SNX29: variants seen among roughly 807,000 people sequenced by gnomAD.
SNX29 encodes sorting nexin-29.
A neutral mutation model predicts 102.1 loss-of-function variants in SNX29; 78 were observed. That is an observed-to-expected ratio of 0.76 (90% confidence interval 0.64 to 0.92). The LOEUF is 0.92. SNX29 is among the 40% of genes least tolerant of loss of function. SNX29 has a pLI of 0.00. For missense variants in SNX29, 1,280 were observed against 1,061.7 expected, an observed-to-expected ratio of 1.21 and a Z score of -2.86; for synonymous variants, 580 against 414.5, an observed-to-expected ratio of 1.40 and a Z score of -4.85.
rs193162748 is a variant in SNX29 at position 12,569,519 on chromosome 16, A to C, written c.*890A>C. 1.6e-4 allele frequency: 38 copies of C among 231,834 alleles called. No individual in the cohort carries two copies. The highest frequency in any genetic ancestry group is 1.5e-3 in the East Asian group (25 of 16,376). 14.4% of individuals were successfully genotyped at this position (231,834 alleles called of 1,614,324 possible). On this transcript the variant is annotated 3_prime_UTR_variant, in exon 21 of 21. Transcript: ENST00000566228. The stretch of plus-strand genomic sequence containing the variant: ...CAGGGTTTTCAAACCAGGCTCCATG[A>C]CTATGAAGTTGGACCCAGTGTGGAC...
At chr16:12,185,749 C>G (rs976478047) in intron 13 of SNX29, among the ~76,000 whole-genome samples, 1 of 152,178 alleles carries the variant, frequency 6.6e-6, no homozygotes, top group African/African-American at 2.4e-5. Context: ...TATTCAGATT[C>G]GGGACATCTC....
At chr16:12,508,027 G>A (rs952188162) in intron 19 of SNX29, among the ~76,000 whole-genome samples, 6 of 152,242 alleles carry the variant, frequency 3.9e-5, no homozygotes, top group African/African-American at 1.4e-4. Flanking sequence ...CAGCTCTGAC[G>A]CTAGTTAACG....
chr16:12,098,574 G>A lies in SNX29; in HGVS notation c.1402+19659G>A, dbSNP rs946294439. On this transcript the variant is annotated intron_variant, in intron 11 of 20. Transcript: ENST00000566228. The surrounding 1 kb of genome is among the most constrained non-coding windows in gnomAD (Gnocchi z 6.0). ...GTGCGCAGACGATTCAGTTTCATGC[G>A]CGCCCGATTCAGTTTCATGCTCTTC... Among the ~76,000 whole-genome samples the A allele has an allele frequency of 6.6e-6, 1 of 152,088 alleles. No individual in the cohort carries two copies. Among genetic ancestry groups the A allele is most frequent in the East Asian group, 1.9e-4 (1 of 5,192 alleles).
chr16:12,152,360 T>C (rs1396263376), intron 13 of SNX29, among the ~76,000 whole-genome samples: 1 of 152,090 alleles, frequency 6.6e-6, no homozygotes, highest in Admixed American at 6.6e-5. Context: ...AGGTAACTGG[T>C]TTACAGATTG....
At position 12,014,225 on chromosome 16, in the gene SNX29, C is replaced by T. The variant is rs149809128; in HGVS notation, c.122+11182C>T. 1.1e-4 allele frequency among the ~76,000 whole-genome samples: 16 copies of T among 152,224 alleles called. 1 individual carries two copies. The highest frequency in any genetic ancestry group is 7.7e-4 in the East Asian group (4 of 5,186). ...TGATTTCTCGTGTCTCATTTATTCA[C>T]GCCTGCATCCAGGGGCTCTTGTTTT... On this transcript the variant is annotated intron_variant, in intron 3 of 20. Coordinates refer to ENST00000566228, the MANE Select transcript of SNX29 (RefSeq NM_032167.5).
At chr16:11,988,015 T>C (rs185045207) in intron 1 of SNX29, among the ~76,000 whole-genome samples, 1 of 152,272 alleles carries the variant, frequency 6.6e-6, no homozygotes, top group African/African-American at 2.4e-5. Context: ...TCTTGGAGGC[T>C]GGGTACGGTG....
rs60889973 is a variant in SNX29 at position 12,446,047 on chromosome 16, CT to C, written c.2038-31646del. On this transcript the variant is annotated intron_variant, in intron 18 of 20. Coordinates refer to ENST00000566228, the MANE Select transcript of SNX29 (RefSeq NM_032167.5). Reference sequence around the variant, plus strand: ...GCAGTTGAAACAGTAGCTTCTCATTCTTTTTTTTTTTTTTTTTTTTTTTTTT... The same window carrying C: ...GCAGTTGAAACAGTAGCTTCTCATTCTTTTTTTTTTTTTTTTTTTTTTTTT... 1.7e-3 allele frequency among the ~76,000 whole-genome samples: 171 copies of C among 98,588 alleles called. 1 individual carries two copies. The highest frequency in any genetic ancestry group is 5.1e-3 in the Middle Eastern group (1 of 196). 64.7% of individuals were successfully genotyped at this position (98,588 alleles called of 152,430 possible).
intron 3 of SNX29, among the ~76,000 whole-genome samples, chr16:12,025,762 C>T (rs1000877320): frequency 1.3e-5 from 2 of 151,984 alleles, no homozygotes; most frequent in Admixed American, 6.5e-5. Context: ...GACAGAATGA[C>T]GAGTAAAGAT....
intron 19 of SNX29, among the ~76,000 whole-genome samples, chr16:12,514,676 C>T (rs1223135625): frequency 6.6e-6 from 1 of 152,084 alleles, no homozygotes; most frequent in African/African-American, 2.4e-5. Context: ...ACCAGCCTGG[C>T]CAACATGGTG....
At chr16:12,302,004 A>T (rs996756656) in intron 15 of SNX29, among the ~76,000 whole-genome samples, 4 of 152,200 alleles carry the variant, frequency 2.6e-5, no homozygotes, top group Non-Finnish European at 5.9e-5. Flanking sequence ...TACAAAAGAA[A>T]GATAATTACT....
intron 19 of SNX29, among the ~76,000 whole-genome samples, chr16:12,520,331 G>A (rs1423023563): frequency 6.6e-6 from 1 of 152,256 alleles, no homozygotes; most frequent in African/African-American, 2.4e-5. Context: ...CTTTGGGGAA[G>A]CCTGGTGTAG....
intron 20 of SNX29, among the ~76,000 whole-genome samples, chr16:12,559,980 A>T (rs922567710): frequency 6.6e-6 from 1 of 152,170 alleles, no homozygotes; most frequent in African/African-American, 2.4e-5. Context: ...CTCCACCACG[A>T]AAAAAAGATT....
chr16:12,396,393 G>T (rs2083722656), intron 16 of SNX29, among the ~76,000 whole-genome samples: 2 of 152,166 alleles, frequency 1.3e-5, no homozygotes, highest in Admixed American at 6.5e-5. Flanking sequence ...CTTCCAGTTG[G>T]AAATGAGGCT....
At chr16:12,141,557 G>A (rs2054870039) in intron 13 of SNX29, among the ~76,000 whole-genome samples, 1 of 152,270 alleles carries the variant, frequency 6.6e-6, no homozygotes. Flanking sequence ...TTGATTATAT[G>A]CTAAACAAAA....
intron 15 of SNX29, among the ~76,000 whole-genome samples, chr16:12,279,117 T>C (rs2079348409): frequency 6.6e-6 from 1 of 152,252 alleles, no homozygotes; most frequent in African/African-American, 2.4e-5. Context: ...CATGTCTGTA[T>C]GTACATACAT....
At chr16:11,986,809 C>T (rs555328714) in intron 1 of SNX29, among the ~76,000 whole-genome samples, 6 of 152,206 alleles carry the variant, frequency 3.9e-5, no homozygotes, top group African/African-American at 9.6e-5. Flanking sequence ...TTTCTGCTGT[C>T]GTAGTTTGAA....
intron 19 of SNX29, among the ~76,000 whole-genome samples, chr16:12,508,429 TTTC>T (rs2089469934): frequency 6.6e-6 from 1 of 152,230 alleles, no homozygotes; most frequent in Admixed American, 6.5e-5. Flanking sequence ...GGCCCATTGA[TTTC>T]TTTTTTCTGT....
At chr16:12,135,729 A>G (rs1424364393) in intron 13 of SNX29, 2 of 721,014 alleles carry the variant, frequency 2.8e-6, no homozygotes, top group East Asian at 4.5e-5. Flanking sequence ...AATTGCTTTC[A>G]TTCCTTGAGC....
chr16:12,515,104 A>C (rs1397624506), intron 19 of SNX29, among the ~76,000 whole-genome samples: 1 of 152,126 alleles, frequency 6.6e-6, no homozygotes, highest in Non-Finnish European at 1.5e-5. Flanking sequence ...GATGATGGTC[A>C]TTATTATGTC....
Sources: allele counts gnomAD v4.1 joint callset (sites outside exome capture counted in the v4.1 genomes callset), GRCh38; gene constraint gnomAD v4.1.1; non-coding constraint Gnocchi (gnomAD v3.1); transcripts MANE v1.5; gene names NCBI Gene and HGNC (gene_info 2026-07-23, HGNC 2026-07-21).